The following BCR variants were observed in gnomAD, a reference collection of about 807,000 sequenced individuals.
BCR encodes breakpoint cluster region protein.
In BCR, 58 loss-of-function variants were observed where a neutral mutation model predicts 138.6. The ratio of observed to expected loss-of-function variants is 0.42; its 90% CI spans 0.34 to 0.52. BCR has a LOEUF of 0.52. Ranked by LOEUF, BCR falls within the 20% of genes least tolerant of loss-of-function variation. The probability of loss-of-function intolerance (pLI) is 0.06; values close to 1 mark genes in which losing one functional copy is unlikely to be tolerated. For missense variants in BCR, 1,599 were observed against 1,727.2 expected (o/e 0.93, Z 1.32); for synonymous variants, 786 against 730.1 (o/e 1.08, Z -1.23).
intron 1 of BCR, among the ~76,000 whole-genome samples, chr22:23,221,532 T>C (rs2072824551): frequency 6.6e-6 from 1 of 152,202 alleles, no homozygotes; most frequent in African/African-American, 2.4e-5. Flanking sequence ...GCTGGGGGCT[T>C]CTGGGGAGCC....
At chr22:23,293,184 C>A (rs1458141014) in intron 15 of BCR, among the ~76,000 whole-genome samples, 2 of 152,136 alleles carry the variant, frequency 1.3e-5, no homozygotes, top group African/African-American at 4.8e-5. Context: ...TGCAGAGAGG[C>A]CCGTATTGAC....
Position 23,252,427 on chromosome 22 carries a change from C to CTTTTTTTTTT in BCR, c.1280-1368_1280-1367insTTTTTTTTTT, listed in dbSNP as rs371986661. Among the ~76,000 whole-genome samples, 20 of 119,496 alleles carry CTTTTTTTTTT rather than the reference C, an allele frequency of 1.7e-4. 1 individual carries two copies. The highest frequency in any genetic ancestry group is 5.3e-4 in the African/African-American group (15 of 28,428). 78.4% of individuals were successfully genotyped at this position (119,496 alleles called of 152,430 possible). A position where few individuals can be genotyped will look rare whatever the true frequency, so the allele number is the denominator to read the frequency against. On this transcript the variant is annotated intron_variant, in intron 1 of 22. Transcript: ENST00000305877. ...TTGGGTTTCCCTTTCTTTTTCTTTT[C>CTTTTTTTTTT]TTTTCTTTTTTTTTTTTTTTTGAGA...
At chr22:23,194,602 C>T (rs1199821883) in intron 1 of BCR, among the ~76,000 whole-genome samples, 2 of 151,632 alleles carry the variant, frequency 1.3e-5, no homozygotes, top group Non-Finnish European at 2.9e-5. Context: ...TTAGTAGAGA[C>T]GGGGTTTCAC....
chr22:23,191,591 C>T (rs1212048615), intron 1 of BCR, among the ~76,000 whole-genome samples: 1 of 152,158 alleles, frequency 6.6e-6, no homozygotes, highest in Admixed American at 6.5e-5. Flanking sequence ...GATCCTTAAG[C>T]ACAGAGTATG....
intron 2 of BCR, among the ~76,000 whole-genome samples, chr22:23,255,135 T>C (rs2073278032): frequency 6.6e-6 from 1 of 152,262 alleles, no homozygotes. Flanking sequence ...AGCTGCTTTT[T>C]TCTGGGGCTG....
chr22:23,264,958 T>A (rs1368207592), intron 4 of BCR: 4 of 152,158 alleles, frequency 2.6e-5, no homozygotes, highest in Non-Finnish European at 5.9e-5. Flanking sequence ...AATTTTCATT[T>A]TTGTAAAAAT....
intron 8 of BCR, among the ~76,000 whole-genome samples, chr22:23,280,972 C>T (rs1021870245): frequency 6.6e-6 from 1 of 152,250 alleles, no homozygotes. Flanking sequence ...AACACACACA[C>T]AGAAACATGG....
chr22:23,247,119 A>G (rs963451220), intron 1 of BCR, among the ~76,000 whole-genome samples: 1 of 152,160 alleles, frequency 6.6e-6, no homozygotes, highest in African/African-American at 2.4e-5. Flanking sequence ...TGCTGTTTGT[A>G]GAAGTCGCTG....
In BCR at chr22:23,182,036, C is replaced by G. The variant is rs772208382; in HGVS notation, c.1076C>G (p.Thr359Ser). Reference sequence around the variant, plus strand: ...AGCCGCGTGTCCCCAAGCCCCACCACCTACCGCATGTTCCGGGACAAAAGC... The same window carrying G: ...AGCCGCGTGTCCCCAAGCCCCACCAGCTACCGCATGTTCCGGGACAAAAGC... Reference protein sequence around the residue: ...QSSRVSPSPTTYRMFRDKSRS... With the variant: ...QSSRVSPSPTSYRMFRDKSRS... The change falls in exon 1 of 23, where the codon ACC (threonine) becomes AGC (serine). Residue 359 changes from threonine (T) to serine (S), a missense_variant. Transcript: ENST00000305877. 6.2e-7 allele frequency: 1 copy of G among 1,613,686 alleles called. No homozygotes were observed. The highest frequency in any genetic ancestry group is 2.2e-5 in the East Asian group (1 of 44,884).
intron 11 of BCR, 146 bp downstream of exon 11, chr22:23,287,424 T>C: frequency 7.5e-7 from 1 of 1,328,722 alleles, no homozygotes; most frequent in Admixed American, 3.0e-5. Context: ...CACATTCCTT[T>C]GTCTGGGGCT....
chr22:23,213,988 C>T (rs1479052491), intron 1 of BCR, among the ~76,000 whole-genome samples: 1 of 152,154 alleles, frequency 6.6e-6, no homozygotes, highest in East Asian at 1.9e-4. Flanking sequence ...GTTTCCTCAT[C>T]TGTGAAATAG....
At chr22:23,192,119 C>T in intron 1 of BCR, among the ~76,000 whole-genome samples, 1 of 152,314 alleles carries the variant, frequency 6.6e-6, no homozygotes, top group East Asian at 1.9e-4. Context: ...GGACACCCCA[C>T]TGAAGTAGTA....
rs765193008 is a variant in BCR at position 23,289,612 on chromosome 22, A to G, written c.2698A>G (p.Asn900Asp). ...QTVHSIPLTI[N>D]KEDDESPGLY... The stretch of plus-strand genomic sequence containing the variant: ...TGTCCACAGCATTCCGCTGACCATC[A>G]ATAAGGAAGGTGGGCCCCCCCGTTT... The change falls in exon 13 of 23, where the codon AAT (asparagine) becomes GAT (aspartate). Residue 900 changes from asparagine to aspartate, a missense_variant. Asn to Asp is a conservative substitution (Grantham distance 23, BLOSUM62 1). Coordinates refer to ENST00000305877, the MANE Select transcript of BCR (RefSeq NM_004327.4). 1.2e-6 allele frequency: 2 copies of G among 1,601,892 alleles called. No individual in the cohort carries two copies. Among genetic ancestry groups the G allele is most frequent in the Non-Finnish European group, 1.7e-6 (2 of 1,177,098 alleles).
At chr22:23,267,774 G>A (rs2073460862) in intron 4 of BCR, among the ~76,000 whole-genome samples, 1 of 152,202 alleles carries the variant, frequency 6.6e-6, no homozygotes, top group African/African-American at 2.4e-5. Flanking sequence ...GTGCAGTGAG[G>A]AGATCTATTA....
chr22:23,200,634 C>T (rs570468269), intron 1 of BCR, among the ~76,000 whole-genome samples: 3 of 152,228 alleles, frequency 2.0e-5, no homozygotes, highest in South Asian at 2.1e-4. Flanking sequence ...CATGGCTCAC[C>T]GCAGCCTTGA....
chr22:23,240,064 C>T (rs1450982115), intron 1 of BCR, among the ~76,000 whole-genome samples: 8 of 152,100 alleles, frequency 5.3e-5, no homozygotes, highest in Non-Finnish European at 2.9e-5. Context: ...GTGATCCTGC[C>T]TCCCAAAGTG....
Position 23,263,389 on chromosome 22 carries a change from T to C in BCR, c.1752+1849T>C. On this transcript the variant is annotated intron_variant, in intron 4 of 22. Transcript: ENST00000305877. ...GGCTTCACGCGGCTCGGCACCAACC[T>C]GATGACCAGTGTCCCAGTGAAGGTG... 6 of 1,247,234 alleles carry C rather than the reference T, an allele frequency of 4.8e-6. No individual in the cohort carries two copies. In the South Asian group the frequency reaches 7.3e-5, roughly 15 times the overall value. The allele number at this position is 1,247,234 out of a possible 1,614,324, so 77.3% of individuals were successfully genotyped here.
At position 23,264,030 on chromosome 22, in the gene BCR, C is replaced by T. The variant is rs2073405479; in HGVS notation, c.1752+2490C>T. ...GGTGCTGGATGTCATATATGAGTCC[C>T]CTTTCGCACTGCTCTCCTGTGGCTA... On this transcript the variant is annotated intron_variant, in intron 4 of 22. Transcript: ENST00000305877. 1.3e-4 allele frequency: 122 copies of T among 935,250 alleles called. 1 individual carries two copies. The South Asian group carries it at 1.6e-3, about 12-fold the overall frequency. The allele number at this position is 935,250 out of a possible 1,614,324, so 57.9% of individuals were successfully genotyped here.
chr22:23,211,288 C>T (rs1360882533), intron 1 of BCR, among the ~76,000 whole-genome samples: 2 of 150,580 alleles, frequency 1.3e-5, no homozygotes, highest in African/African-American at 4.9e-5. Context: ...AGCTCCGCCT[C>T]CCGGGTTCAC....
Sources: gnomAD v4.1 joint callset for allele counts (sites outside exome capture counted in the v4.1 genomes callset) on GRCh38, gnomAD v4.1.1 for gene constraint, MANE v1.5 for transcripts, NCBI Gene and HGNC (gene_info 2026-07-23, HGNC 2026-07-21) for gene names.